Variants in ATR observed in about 807,000 individuals in gnomAD.
ATR encodes ATR checkpoint kinase, also known as serine/threonine-protein kinase ATR.
ATR carries 142 observed loss-of-function variants against 305.3 expected under a neutral mutation model. That is an observed-to-expected ratio of 0.47 (90% CI 0.41 to 0.53). The LOEUF is 0.53. Ranked by LOEUF, ATR falls within the 20% of genes least tolerant of loss-of-function variation. The pLI, the probability that ATR is intolerant of heterozygous loss-of-function variation, is 0.00. For synonymous variants in ATR, 1,050 were observed against 1,068.1 expected, an observed-to-expected ratio of 0.98 and a Z score of 0.33; for missense variants, 2,135 against 3,133.1, an observed-to-expected ratio of 0.68 and a Z score of 7.60.
intron 36 of ATR, among the ~76,000 whole-genome samples, chr3:142,475,458 T>TG (rs1470399526): frequency 1.5e-4 from 23 of 152,164 alleles, no homozygotes; most frequent in African/African-American, 5.3e-4. Flanking sequence ...TAGTATTCCA[T>TG]GGGGTATATG....
At chr3:142,523,926 T>C in intron 22 of ATR, 67 bp downstream of exon 22, 1 of 1,491,272 alleles carries the variant, frequency 6.7e-7, no homozygotes, top group South Asian at 1.2e-5. Flanking sequence ...TAGTTCTTTG[T>C]AAATGAAATA....
intron 2 of ATR, among the ~76,000 whole-genome samples, chr3:142,566,898 C>T (rs1456720071): frequency 1.3e-5 from 2 of 151,982 alleles, no homozygotes; most frequent in African/African-American, 4.8e-5. Flanking sequence ...TGTGTGCCAC[C>T]ACACCCAGCT....
chr3:142,449,447 A>T lies in ATR; in HGVS notation c.7917T>A (p.Gly2639=). 2 of 1,610,610 alleles carry T rather than the reference A, an allele frequency of 1.2e-6. No homozygotes were observed. The highest frequency in any genetic ancestry group is 1.7e-6 in the Non-Finnish European group (2 of 1,176,792). ...DENLLCQMYL[G]WTPYM The stretch of plus-strand genomic sequence containing the variant: ...TTTCATTTCACATATATGGAGTCCA[A>T]CCAAGATACATCTGGCATAGTAAGT... The change falls in exon 47 of 47, where the codon GGT becomes GGA. Residue 2639 remains glycine (G), a synonymous_variant. Transcript: ENST00000350721.
Position 142,540,990 on chromosome 3 carries a change from T to TTTGGG in ATR, c.3490_3494dup (p.Lys1165AsnfsTer8). On this transcript the variant is annotated frameshift_variant, in exon 18 of 47. Coordinates refer to ENST00000350721, the MANE Select transcript of ATR (RefSeq NM_001184.4). LOFTEE classifies it high-confidence loss of function. ...TCTTCACCCTCACAGAACTGACATG[T>TTTGGG]TTGGGTCCCATTAACTTCATCAAAG... 1 of 1,613,694 alleles carries TTTGGG rather than the reference T, an allele frequency of 6.2e-7. No individual in the cohort carries two copies. Among genetic ancestry groups the TTTGGG allele is most frequent in the Non-Finnish European group, 8.5e-7 (1 of 1,179,740 alleles).
intron 36 of ATR, among the ~76,000 whole-genome samples, chr3:142,478,709 T>C (rs113307161): frequency 0.018 from 2,725 of 152,282 alleles, 29 homozygotes; most frequent in South Asian, 0.041. Context: ...CTCCCATTAT[T>C]ATTGTGTGCG....
intron 35 of ATR, among the ~76,000 whole-genome samples, chr3:142,490,347 T>C (rs1393232391): frequency 6.6e-6 from 1 of 152,222 alleles, no homozygotes; most frequent in Admixed American, 6.5e-5. Flanking sequence ...TGAGCCACTG[T>C]GCCTAGCCTC....
intron 7 of ATR, 83 bp downstream of exon 7, chr3:142,559,168 T>G: frequency 6.9e-7 from 1 of 1,451,602 alleles, no homozygotes; most frequent in Non-Finnish European, 9.6e-7. Context: ...AACACGCACT[T>G]AGGCTTCAGG....
At position 142,540,918 on chromosome 3, in the gene ATR, A is replaced by G. The variant is rs149882558; in HGVS notation, c.3567T>C (p.Pro1189=). 3.1e-6 allele frequency: 5 copies of G among 1,612,128 alleles called. No individual in the cohort carries two copies. Among genetic ancestry groups the G allele is most frequent in the Non-Finnish European group, 2.5e-6 (3 of 1,179,044 alleles). ...RTGLRFKDDF[P]ELCCRAWDCF... ...CAGTCATTTACCTGCAACACAATTC[A>G]GGAAAATCATCCTTGAATCGAAGGC... Residue 1189 remains proline (P), a synonymous_variant, in exon 18 of 47, where the codon CCT becomes CCC. Transcript: ENST00000350721.
chr3:142,477,216 T>C (rs139079222), intron 36 of ATR, among the ~76,000 whole-genome samples: 208 of 150,562 alleles, frequency 1.4e-3, no homozygotes, highest in East Asian at 0.011. Flanking sequence ...ATTCAGTATA[T>C]TGGCTGTGAG....
intron 1 of ATR, among the ~76,000 whole-genome samples, chr3:142,571,027 A>G (rs1243663851): frequency 6.6e-6 from 1 of 152,214 alleles, no homozygotes; most frequent in Non-Finnish European, 1.5e-5. Context: ...CAATCCTTGG[A>G]CAGGAGGGTA....
At chr3:142,555,400 T>C (rs1483592459) in intron 10 of ATR, among the ~76,000 whole-genome samples, 1 of 152,100 alleles carries the variant, frequency 6.6e-6, no homozygotes, top group Non-Finnish European at 1.5e-5. Flanking sequence ...CCTAAACAAA[T>C]GGATCTTCTA....
intron 36 of ATR, among the ~76,000 whole-genome samples, chr3:142,480,446 A>G (rs2030344977): frequency 6.6e-6 from 1 of 152,126 alleles, no homozygotes; most frequent in African/African-American, 2.4e-5. Context: ...GTTCCTCTGG[A>G]GGTTTCGTCT....
chr3:142,458,909 A>T (rs1458329701), intron 44 of ATR, 49 bp downstream of exon 44: 2 of 1,588,452 alleles, frequency 1.3e-6, no homozygotes, highest in Non-Finnish European at 1.7e-6. Context: ...TGTTGAGAAA[A>T]GGAAATTGAG....
chr3:142,464,270 C>A (rs2071081233), intron 41 of ATR, among the ~76,000 whole-genome samples: 3 of 152,098 alleles, frequency 2.0e-5, no homozygotes, highest in Admixed American at 1.3e-4. Flanking sequence ...GGACTACAGG[C>A]ATGTGCCACC....
At chr3:142,544,621 C>CAAA (rs71153972) in intron 16 of ATR, among the ~76,000 whole-genome samples, 1,353 of 83,544 alleles carry the variant, frequency 0.016, 50 homozygotes, top group African/African-American at 0.057. Context: ...AAGAAAGGAG[C>CAAA]AAAAAAAAAA....
intron 13 of ATR, 21 bp from the exon 14 acceptor site, chr3:142,550,323 T>C (rs2034430051): frequency 6.2e-7 from 1 of 1,612,046 alleles, no homozygotes; most frequent in African/African-American, 1.3e-5. Flanking sequence ...AACCATTTTA[T>C]TGTGAGTTTT....
At chr3:142,540,121 A>G (rs532037927) in intron 18 of ATR, among the ~76,000 whole-genome samples, 1 of 152,288 alleles carries the variant, frequency 6.6e-6, no homozygotes. Flanking sequence ...CCATTTATAG[A>G]AAAGACAGGG....
rs1577620270 is a variant in ATR, at chr3:142,519,762, C to T, written c.4289G>A (p.Cys1430Tyr). ...AIQELLSIYD[C>Y]REMETNGPGH... ...TGGGCCGTTGGTCTCCATCTCTCTA[C>T]AGTCATAAATAGAAAGCAACTCCTA... The change falls in exon 24 of 47, where the codon TGT becomes TAT. Residue 1430 changes from cysteine to tyrosine, a missense_variant. Around this residue, in one of 9 missense-constraint regions of ATR, gnomAD observed 202 missense variants for 252.9 expected, o/e 0.80. Coordinates refer to ENST00000350721, the MANE Select transcript of ATR (RefSeq NM_001184.4). 2.5e-6 allele frequency: 4 copies of T among 1,613,256 alleles called. No individual in the cohort carries two copies. The East Asian group carries it at 8.9e-5, about 36-fold the overall frequency.
intron 21 of ATR, among the ~76,000 whole-genome samples, chr3:142,533,238 G>A (rs1376847736): frequency 6.6e-6 from 1 of 152,002 alleles, no homozygotes; most frequent in Non-Finnish European, 1.5e-5. Context: ...CAGGCTGCAG[G>A]GAGCTATCAT....
Sources: gnomAD v4.1 joint callset for allele counts (sites outside exome capture counted in the v4.1 genomes callset) on GRCh38, gnomAD v4.1.1 for gene constraint, gnomAD v4.1.1 regional missense constraint, MANE v1.5 for transcripts, NCBI Gene and HGNC (gene_info 2026-07-23, HGNC 2026-07-21) for gene names.